The following C8orf34 variants were observed in gnomAD, a reference collection of about 807,000 sequenced individuals.
C8orf34 encodes the protein uncharacterized protein C8orf34.
A neutral mutation model predicts 68.3 loss-of-function variants in C8orf34; 65 were observed. The observed-to-expected ratio is 0.95, with a 90% CI of 0.78 to 1.17. The LOEUF is 1.17. C8orf34 is among the 50% of genes most tolerant of loss of function. C8orf34 has a pLI of 0.00. For missense variants in C8orf34, 664 were observed against 655.4 expected (o/e 1.01, Z -0.14); for synonymous variants, 244 against 241.2 (o/e 1.01, Z -0.11).
At chr8:68,339,364 C>A (rs1805980042) in intron 1 of C8orf34, among the ~76,000 whole-genome samples, 1 of 151,760 alleles carries the variant, frequency 6.6e-6, no homozygotes, top group Non-Finnish European at 1.5e-5. Flanking sequence ...TATGTTCAAG[C>A]AAACAACCAT....
rs58048066 is a variant in C8orf34, at chr8:68,794,506, T to TATATACA, written c.1549+6970_1549+6971insATATACA. Among the ~76,000 whole-genome samples the TATATACA allele has an allele frequency of 2.4e-4, 14 of 59,006 alleles. 1 individual carries two copies. Among genetic ancestry groups the TATATACA allele is most frequent in the South Asian group, 2.2e-3 (4 of 1,852 alleles). 38.7% of individuals were successfully genotyped at this position (59,006 alleles called of 152,430 possible). On this transcript the variant is annotated intron_variant, in intron 12 of 13. Transcript: ENST00000518698. ...AAATATATATATATATATATATATA[T>TATATACA]TTTTTTTTTTTTTTTTTAGACAGGC...
At chr8:68,704,882 G>T (rs1202281598) in intron 8 of C8orf34, among the ~76,000 whole-genome samples, 3 of 152,052 alleles carry the variant, frequency 2.0e-5, no homozygotes, top group African/African-American at 7.2e-5. Context: ...AATATTTAAA[G>T]CATGAGAAAA....
At chr8:68,361,414 A>C (rs1806991939) in intron 1 of C8orf34, among the ~76,000 whole-genome samples, 1 of 152,114 alleles carries the variant, frequency 6.6e-6, no homozygotes, top group African/African-American at 2.4e-5. Flanking sequence ...AGGATTCTAG[A>C]GGAGGCCTCT....
In C8orf34 at chr8:68,393,367, A is replaced by G. The variant is rs566106495; in HGVS notation, c.328-46132A>G. Among the ~76,000 whole-genome samples the G allele has an allele frequency of 1.6e-4, 25 of 152,268 alleles. No individual in the cohort carries two copies. The South Asian group carries it at 4.4e-3, about 27-fold the overall frequency. ...GGATGGAGGACATTGTGAAGCAAAA[A>G]AAATAGAGGACATTCCATAATTTTG... On this transcript the variant is annotated intron_variant, in intron 1 of 13. Transcript: ENST00000518698.
chr8:68,810,615 C>T (rs1824620439), intron 12 of C8orf34, among the ~76,000 whole-genome samples: 1 of 152,124 alleles, frequency 6.6e-6, no homozygotes, highest in Non-Finnish European at 1.5e-5. Flanking sequence ...AAGTTCTTGT[C>T]CTCCATCCAG....
At chr8:68,458,413 G>A (rs1011183503) in intron 3 of C8orf34, among the ~76,000 whole-genome samples, 1 of 152,046 alleles carries the variant, frequency 6.6e-6, no homozygotes, top group Non-Finnish European at 1.5e-5. Context: ...AACCTAGGCT[G>A]TGTCTGGTAG....
chr8:68,780,249 T>C (rs1356350384), intron 11 of C8orf34, among the ~76,000 whole-genome samples: 1 of 152,218 alleles, frequency 6.6e-6, no homozygotes, highest in African/African-American at 2.4e-5. Flanking sequence ...TCCCAGAGCT[T>C]CTGTAAAATC....
chr8:68,585,270 C>A (rs7819866), intron 7 of C8orf34, among the ~76,000 whole-genome samples: 4,711 of 151,856 alleles, frequency 0.031, 235 homozygotes, highest in African/African-American at 0.11. Context: ...GAAGTGACAG[C>A]GTGATGAAAC....
chr8:68,607,145 G>A lies in C8orf34; in HGVS notation c.1106-33231G>A, dbSNP rs914839320. ...CTAGTCTCCTAAGGCTTTGTTCATC[G>A]AAAAAAGACAAAGAAGAAAAGGATT... On this transcript the variant is annotated intron_variant, in intron 7 of 13. Transcript: ENST00000518698. Among the ~76,000 whole-genome samples the A allele has an allele frequency of 4.6e-5, 7 of 151,980 alleles. No individual in the cohort carries two copies. In the South Asian group the frequency reaches 6.2e-4, roughly 14 times the overall value.
At chr8:68,661,822 C>G (rs192255088) in intron 8 of C8orf34, among the ~76,000 whole-genome samples, 74 of 152,088 alleles carry the variant, frequency 4.9e-4, no homozygotes, top group African/African-American at 1.7e-3. Flanking sequence ...TTACTGTCTG[C>G]CTAAAGCAAG....
At chr8:68,648,643 G>C (rs529380392) in intron 8 of C8orf34, among the ~76,000 whole-genome samples, 2 of 152,110 alleles carry the variant, frequency 1.3e-5, no homozygotes, top group Non-Finnish European at 2.9e-5. Flanking sequence ...CACAAAAAAG[G>C]GAGCCGAAAG....
intron 8 of C8orf34, among the ~76,000 whole-genome samples, chr8:68,653,571 T>C (rs968826): frequency 0.36 from 54,827 of 152,002 alleles, 10,979 homozygotes; most frequent in East Asian, 0.58. Context: ...AGTCTGAGAT[T>C]GGGGTGCCAG....
intron 1 of C8orf34, among the ~76,000 whole-genome samples, chr8:68,424,899 C>A (rs921645514): frequency 6.6e-6 from 1 of 151,790 alleles, no homozygotes; most frequent in African/African-American, 2.4e-5. Flanking sequence ...GACTCCATCC[C>A]AAAAATAATA....
At chr8:68,652,996 C>T (rs923859599) in intron 8 of C8orf34, among the ~76,000 whole-genome samples, 2 of 152,114 alleles carry the variant, frequency 1.3e-5, no homozygotes, top group African/African-American at 4.8e-5. Flanking sequence ...GTGTTGTGTT[C>T]CTACTTAACT....
chr8:68,624,139 G>A (rs1035220191), intron 7 of C8orf34, among the ~76,000 whole-genome samples: 15 of 152,048 alleles, frequency 9.9e-5, no homozygotes, highest in Non-Finnish European at 1.8e-4. Context: ...GGGCGTGGTG[G>A]TGCACGCCTG....
chr8:68,558,578 A>G (rs1816325008), intron 7 of C8orf34, among the ~76,000 whole-genome samples: 1 of 152,052 alleles, frequency 6.6e-6, no homozygotes, highest in African/African-American at 2.4e-5. Context: ...AAAGGATGAA[A>G]GAGAGAAAGA....
At chr8:68,429,878 T>C (rs1189342860) in intron 1 of C8orf34, among the ~76,000 whole-genome samples, 1 of 152,210 alleles carries the variant, frequency 6.6e-6, no homozygotes, top group Non-Finnish European at 1.5e-5. Flanking sequence ...TATGGTATCA[T>C]AGAAAAATAG....
At chr8:68,438,624 G>A (rs1810765196) in intron 1 of C8orf34, 1 of 152,142 alleles carries the variant, frequency 6.6e-6, no homozygotes, top group Non-Finnish European at 1.5e-5. Flanking sequence ...GATGAAATGT[G>A]ACTGATATGA....
chr8:68,747,593 A>G (rs1355596449), intron 10 of C8orf34, among the ~76,000 whole-genome samples: 4 of 151,750 alleles, frequency 2.6e-5, no homozygotes, highest in African/African-American at 9.7e-5. Flanking sequence ...CACCAATAAC[A>G]GACAAACAGA....
Sources: gnomAD v4.1 joint callset for allele counts (sites outside exome capture counted in the v4.1 genomes callset) on GRCh38, gnomAD v4.1.1 for gene constraint, MANE v1.5 for transcripts, NCBI Gene and HGNC (gene_info 2026-07-23, HGNC 2026-07-21) for gene names.